Variants in KLHL29 observed in about 807,000 individuals in gnomAD.
KLHL29 encodes kelch-like protein 29.
Under a neutral mutation model 80.4 loss-of-function variants are expected in KLHL29, and 21 were observed. The observed-to-expected ratio is 0.26, with a 90% confidence interval of 0.19 to 0.38. The LOEUF is 0.38. Among genes scored for constraint, KLHL29 ranks in the 10% least tolerant of loss-of-function variants. The pLI is 1.00. For synonymous variants in KLHL29, 511 were observed against 526.8 expected, an observed-to-expected ratio of 0.97 and a Z score of 0.41; for missense variants, 867 against 1,223.9, an observed-to-expected ratio of 0.71 and a Z score of 4.35.
At chr2:23,456,988 T>C (rs921521798) in intron 1 of KLHL29, among the ~76,000 whole-genome samples, 4 of 152,076 alleles carry the variant, frequency 2.6e-5, no homozygotes, top group Non-Finnish European at 5.9e-5. Flanking sequence ...CCTGGCTACA[T>C]GGAAGGGAGC....
intron 2 of KLHL29, among the ~76,000 whole-genome samples, chr2:23,497,058 AG>A (rs1026313055): frequency 7.2e-6 from 1 of 138,228 alleles, no homozygotes; most frequent in African/African-American, 2.7e-5. Context: ...CTCCTAGGGT[AG>A]GAAAAAAAAA....
chr2:23,549,265 A>G (rs910319923), intron 2 of KLHL29, among the ~76,000 whole-genome samples: 1 of 152,320 alleles, frequency 6.6e-6, no homozygotes, highest in Admixed American at 6.5e-5. Flanking sequence ...CTGGAAGCAA[A>G]GTATCCCTGC....
At chr2:23,613,867 G>A (rs1298907190) in intron 3 of KLHL29, among the ~76,000 whole-genome samples, 1 of 149,680 alleles carries the variant, frequency 6.7e-6, no homozygotes, top group East Asian at 1.9e-4. Context: ...TAAATCTTGG[G>A]ACTCCAAAAT....
chr2:23,627,910 CT>C (rs10624746), intron 3 of KLHL29, among the ~76,000 whole-genome samples: 44 of 120,626 alleles, frequency 3.6e-4, no homozygotes, highest in Non-Finnish European at 3.4e-4. Context: ...GGCCAGGAGT[CT>C]TTTTTTTTTT....
At chr2:23,629,603 A>G (rs1669418101) in intron 3 of KLHL29, among the ~76,000 whole-genome samples, 1 of 152,198 alleles carries the variant, frequency 6.6e-6, no homozygotes, top group Admixed American at 6.5e-5. Context: ...GGGCCCGGAC[A>G]GGGCACATTC....
intron 2 of KLHL29, among the ~76,000 whole-genome samples, chr2:23,525,984 A>C (rs1243947648): frequency 6.6e-6 from 1 of 152,148 alleles, no homozygotes; most frequent in African/African-American, 2.4e-5. Flanking sequence ...CACGTCCCTG[A>C]CATCCGTGGA....
At chr2:23,433,639 C>A (rs1455447167) in intron 1 of KLHL29, among the ~76,000 whole-genome samples, 2 of 152,176 alleles carry the variant, frequency 1.3e-5, no homozygotes, top group African/African-American at 4.8e-5. Flanking sequence ...GAGCGCTGGG[C>A]AGGGTGGCTT....
At chr2:23,441,754 A>G (rs981258486) in intron 1 of KLHL29, among the ~76,000 whole-genome samples, 1 of 152,144 alleles carries the variant, frequency 6.6e-6, no homozygotes, top group African/African-American at 2.4e-5. Context: ...GTTCCTTTCC[A>G]TGTGGCCTCT....
Position 23,562,555 on chromosome 2 carries a change from C to G in KLHL29, c.285+74C>G, listed in dbSNP as rs1208762402. ...CCTCCCTGCAGGCTCAGGCCAGCCCCACAGGCTCCTGTGGGGCAGCCTGTG... is the reference window on the plus strand; with the variant it reads ...CCTCCCTGCAGGCTCAGGCCAGCCCGACAGGCTCCTGTGGGGCAGCCTGTG... On this transcript the variant is annotated intron_variant, in intron 3 of 13. Coordinates refer to ENST00000486442, the MANE Select transcript of KLHL29 (RefSeq NM_052920.2). The surrounding 1 kb of genome is among the most constrained non-coding windows in gnomAD (Gnocchi z 4.5). 6.8e-7 allele frequency: 1 copy of G among 1,460,220 alleles called. No homozygotes were observed. Among genetic ancestry groups the G allele is most frequent in the Non-Finnish European group, 9.1e-7 (1 of 1,093,312 alleles). The allele number at this position is 1,460,220 out of a possible 1,614,324, so 90.5% of individuals were successfully genotyped here. A position where few individuals can be genotyped will look rare whatever the true frequency, so the allele number is the denominator to read the frequency against.
intron 3 of KLHL29, among the ~76,000 whole-genome samples, chr2:23,622,473 C>T (rs1267305227): frequency 2.0e-5 from 3 of 152,214 alleles, no homozygotes; most frequent in Non-Finnish European, 2.9e-5. Context: ...CTTTGTCCTA[C>T]CTAATCACAA....
intron 1 of KLHL29, among the ~76,000 whole-genome samples, chr2:23,386,458 CT>C (rs959030919): frequency 2.6e-5 from 4 of 152,240 alleles, no homozygotes. Flanking sequence ...CCCTTGACAC[CT>C]TGTGGGTGCC....
intron 2 of KLHL29, among the ~76,000 whole-genome samples, chr2:23,525,160 G>A (rs1179743209): frequency 2.0e-5 from 3 of 152,324 alleles, no homozygotes; most frequent in African/African-American, 7.2e-5. Flanking sequence ...AAGTATTCCT[G>A]TCTCGGCACG....
At chr2:23,595,714 C>G (rs895150898) in intron 3 of KLHL29, among the ~76,000 whole-genome samples, 1 of 152,118 alleles carries the variant, frequency 6.6e-6, no homozygotes, top group Admixed American at 6.5e-5. Context: ...GTGTCCCCAA[C>G]ACACAGCCAG....
intron 3 of KLHL29, among the ~76,000 whole-genome samples, chr2:23,573,549 C>G (rs1667768579): frequency 6.6e-6 from 1 of 152,184 alleles, no homozygotes; most frequent in Non-Finnish European, 1.5e-5. Flanking sequence ...CGAGGCATAT[C>G]CTTCCCTAGT....
chr2:23,691,756 C>G lies in KLHL29; in HGVS notation c.1162C>G (p.Leu388Val). 6.4e-7 allele frequency: 1 copy of G among 1,551,804 alleles called. No homozygotes were observed. Among genetic ancestry groups the G allele is most frequent in the Non-Finnish European group, 8.7e-7 (1 of 1,147,020 alleles). ...CCTGCAGGCAGACGTCCTGGAGTTGCTGCTGGAGTTTGTCTACACGGGCTC... is the reference window on the plus strand; with the variant it reads ...CCTGCAGGCAGACGTCCTGGAGTTGGTGCTGGAGTTTGTCTACACGGGCTC... ...SNLQADVLELLLEFVYTGSLV... is the reference protein window; with the variant it reads ...SNLQADVLELVLEFVYTGSLV... Residue 388 changes from leucine (L) to valine (V), a missense_variant, in exon 7 of 14, where the codon CTG (leucine) becomes GTG (valine). Physicochemically the swap from Leu to Val is conservative, Grantham distance 32. This residue lies in a region of KLHL29 where 443 missense variants were observed against 767.0 expected (regional missense o/e 0.58). Transcript: ENST00000486442.
intron 5 of KLHL29, among the ~76,000 whole-genome samples, chr2:23,676,686 T>TA (rs1469004036): frequency 6.6e-6 from 1 of 152,116 alleles, no homozygotes; most frequent in African/African-American, 2.4e-5. Context: ...AGGAAGCAAG[T>TA]GTAGGAGAAA....
Position 23,509,373 on chromosome 2 carries a change from G to C in KLHL29, c.-46+33706G>C, listed in dbSNP as rs113453221. The stretch of plus-strand genomic sequence containing the variant: ...TCTTCATTGGACTGCTGTGTGGAGA[G>C]TCTACCCTTCCCTTGCCTTACTCTG... On this transcript the variant is annotated intron_variant, in intron 2 of 13. Transcript: ENST00000486442. 6.4e-3 allele frequency among the ~76,000 whole-genome samples: 970 copies of C among 152,282 alleles called. 12 individuals carry two copies. Among genetic ancestry groups the C allele is most frequent in the African/African-American group, 0.022 (913 of 41,556 alleles).
intron 1 of KLHL29, among the ~76,000 whole-genome samples, chr2:23,444,672 G>A (rs2103417389): frequency 6.6e-6 from 1 of 152,226 alleles, no homozygotes; most frequent in South Asian, 2.1e-4. Flanking sequence ...TTACCTGTTT[G>A]TGTATAATAC....
chr2:23,518,549 G>GA (rs1253955076), intron 2 of KLHL29, among the ~76,000 whole-genome samples: 1 of 152,120 alleles, frequency 6.6e-6, no homozygotes, highest in African/African-American at 2.4e-5. Context: ...GACAGCCCTA[G>GA]AAAAGAAACC....
Sources: gnomAD v4.1 joint callset for allele counts (sites outside exome capture counted in the v4.1 genomes callset) on GRCh38, gnomAD v4.1.1 for gene constraint, gnomAD v4.1.1 regional missense constraint, Gnocchi (gnomAD v3.1) non-coding constraint, MANE v1.5 for transcripts, NCBI Gene and HGNC (gene_info 2026-07-23, HGNC 2026-07-21) for gene names.